PPP1R14D: variants seen among roughly 807,000 people sequenced by gnomAD.
PPP1R14D encodes protein phosphatase 1 regulatory subunit 14D.
In PPP1R14D, 14 loss-of-function variants were observed where a neutral mutation model predicts 17.1. The observed-to-expected ratio is 0.82, with a 90% confidence interval of 0.54 to 1.28. PPP1R14D has a LOEUF of 1.28. PPP1R14D is among the 50% of genes most tolerant of loss of function. The probability of loss-of-function intolerance (pLI) is 0.00; values close to 1 mark genes in which losing one functional copy is unlikely to be tolerated. For synonymous variants in PPP1R14D, 67 were observed against 66.1 expected, an observed-to-expected ratio of 1.01 and a Z score of -0.06; for missense variants, 173 against 179.2, an observed-to-expected ratio of 0.97 and a Z score of 0.20.
At chr15:40,825,347 T>C (rs1208329412) in intron 1 of PPP1R14D, among the ~76,000 whole-genome samples, 1 of 151,548 alleles carries the variant, frequency 6.6e-6, no homozygotes, top group Admixed American at 6.6e-5. Context: ...GGGTGCATGT[T>C]GGGCAAGGGT....
At chr15:40,826,294 C>G (rs1045256275) in intron 1 of PPP1R14D, among the ~76,000 whole-genome samples, 4 of 152,136 alleles carry the variant, frequency 2.6e-5, no homozygotes, top group Non-Finnish European at 5.9e-5. Flanking sequence ...CCTAGGACTG[C>G]TGATAACCCT....
chr15:40,815,574 A>G lies in PPP1R14D; in HGVS notation c.*122T>C, dbSNP rs1890641833. ...ACCACACAGACAGTAGGAGTATGCA[A>G]ATGTCCCTCCTTGTCCACATTTCTT... On this transcript the variant is annotated 3_prime_UTR_variant, in exon 4 of 4. Transcript: ENST00000299174. 1 of 1,250,168 alleles carries G rather than the reference A, an allele frequency of 8.0e-7. No homozygotes were observed. The highest frequency in any genetic ancestry group is 1.5e-5 in the South Asian group (1 of 67,060). 77.4% of individuals were successfully genotyped at this position (1,250,168 alleles called of 1,614,324 possible). A position where few individuals can be genotyped will look rare whatever the true frequency, so the allele number is the denominator to read the frequency against.
intron 1 of PPP1R14D, among the ~76,000 whole-genome samples, chr15:40,827,549 G>C (rs990085607): frequency 2.0e-5 from 3 of 150,210 alleles, no homozygotes; most frequent in South Asian, 2.1e-4. Flanking sequence ...ATGTGACTGG[G>C]GAACTGAATA....
intron 1 of PPP1R14D, among the ~76,000 whole-genome samples, chr15:40,821,653 C>A (rs1029791241): frequency 6.6e-6 from 1 of 152,086 alleles, no homozygotes; most frequent in African/African-American, 2.4e-5. Context: ...CTAGGCCAGG[C>A]GTGGTGGCTC....
chr15:40,817,740 A>C (rs1890698208), intron 1 of PPP1R14D, among the ~76,000 whole-genome samples: 1 of 150,886 alleles, frequency 6.6e-6, no homozygotes, highest in South Asian at 2.1e-4. Flanking sequence ...TCAGCCTCCC[A>C]AGTAGCTGGG....
intron 1 of PPP1R14D, among the ~76,000 whole-genome samples, chr15:40,822,595 G>A (rs1327482496): frequency 6.7e-6 from 1 of 150,364 alleles, no homozygotes; most frequent in Non-Finnish European, 1.5e-5. Flanking sequence ...CTGGGATTAC[G>A]GGTGCCTACC....
chr15:40,818,832 A>G (rs1190122122), intron 1 of PPP1R14D, among the ~76,000 whole-genome samples: 1 of 152,086 alleles, frequency 6.6e-6, no homozygotes. Context: ...CCAACAGTGA[A>G]GCCCAATTTA....
intron 1 of PPP1R14D, among the ~76,000 whole-genome samples, chr15:40,823,532 A>G (rs1449697085): frequency 6.6e-6 from 1 of 152,212 alleles, no homozygotes; most frequent in Non-Finnish European, 1.5e-5. Context: ...CTCCATTCAT[A>G]GTAAGTGACC....
intron 1 of PPP1R14D, among the ~76,000 whole-genome samples, chr15:40,827,897 G>A (rs1000235691): frequency 6.6e-6 from 1 of 152,148 alleles, no homozygotes; most frequent in Non-Finnish European, 1.5e-5. Context: ...ATTCCAGCCT[G>A]TGCAACAGGG....
chr15:40,826,252 G>C (rs1236078745), intron 1 of PPP1R14D, among the ~76,000 whole-genome samples: 1 of 152,044 alleles, frequency 6.6e-6, no homozygotes, highest in Non-Finnish European at 1.5e-5. Flanking sequence ...AGATAGACTG[G>C]GTCACAACAA....
rs1890659452 is a variant in PPP1R14D at position 40,816,194 on chromosome 15, T to C, written c.315A>G (p.Thr105=). The change falls in exon 2 of 4, where the codon ACA becomes ACG. Residue 105 remains threonine, a synonymous_variant. Transcript: ENST00000299174. The part of the protein sequence containing the change: ...IDLEALMDLS[T]EEQKTQLEAI... ...CCTCCAGCTGAGTCTTCTGCTCCTCTGTGGATAGATCCATGAGAGCTTCCA... is the reference window on the plus strand; with the variant it reads ...CCTCCAGCTGAGTCTTCTGCTCCTCCGTGGATAGATCCATGAGAGCTTCCA... 4.3e-6 allele frequency: 7 copies of C among 1,614,062 alleles called. No homozygotes were observed. Among genetic ancestry groups the C allele is most frequent in the Non-Finnish European group, 2.5e-6 (3 of 1,180,032 alleles).
intron 1 of PPP1R14D, among the ~76,000 whole-genome samples, chr15:40,825,285 C>CA (rs1189173309): frequency 0.014 from 1,438 of 104,012 alleles, 23 homozygotes; most frequent in African/African-American, 0.035. Flanking sequence ...AACTCTGTCT[C>CA]AAAAAAAAAA....
intron 3 of PPP1R14D, 31 bp from the exon 4 acceptor site, chr15:40,815,792 T>G: frequency 1.9e-6 from 3 of 1,579,252 alleles, no homozygotes; most frequent in Non-Finnish European, 2.6e-6. Flanking sequence ...AGACCAGGCT[T>G]GGGGTCACAA....
chr15:40,815,961 C>T lies in PPP1R14D; in HGVS notation c.372+1G>A. 6.2e-7 allele frequency: 1 copy of T among 1,614,130 alleles called. No homozygotes were observed. The highest frequency in any genetic ancestry group is 1.3e-5 in the African/African-American group (1 of 75,040). The stretch of plus-strand genomic sequence containing the variant: ...CAGACCAGCAGAAGAACATCCCTTA[C>T]CTCTGTGGGGCGGGGGCAGTTCCCA... On this transcript the variant is annotated splice_donor_variant, in intron 3 of 3. Transcript: ENST00000299174. LOFTEE classifies it high-confidence loss of function.
intron 1 of PPP1R14D, among the ~76,000 whole-genome samples, chr15:40,826,412 T>C (rs897781476): frequency 2.0e-5 from 3 of 152,346 alleles, no homozygotes; most frequent in South Asian, 2.1e-4. Flanking sequence ...GCTTGGCGTA[T>C]GGTTCTCAGC....
chr15:40,824,394 A>C (rs1890835875), intron 1 of PPP1R14D, among the ~76,000 whole-genome samples: 1 of 149,418 alleles, frequency 6.7e-6, no homozygotes, highest in Non-Finnish European at 1.5e-5. Flanking sequence ...TTTTTGAGAT[A>C]GGGTCTTGCT....
rs66982849 is a variant in PPP1R14D, at chr15:40,819,867, ATT to A, written c.256-3616_256-3615del. 6.2e-3 allele frequency among the ~76,000 whole-genome samples: 847 copies of A among 137,488 alleles called. 6 individuals are homozygous for A. The highest frequency in any genetic ancestry group is 0.02 in the African/African-American group (730 of 37,408). The allele number at this position is 137,488 out of a possible 152,430, so 90.2% of individuals were successfully genotyped here. A position where few individuals can be genotyped will look rare whatever the true frequency, so the allele number is the denominator to read the frequency against. On this transcript the variant is annotated intron_variant, in intron 1 of 3. Coordinates refer to ENST00000299174, the MANE Select transcript of PPP1R14D (RefSeq NM_017726.8). ...ATGGTATTTTCCAGTGTATATTGCTATTTTTTTTTTTTTTTTGAGATGGAGGT... is the reference window on the plus strand; with the variant it reads ...ATGGTATTTTCCAGTGTATATTGCTATTTTTTTTTTTTTTGAGATGGAGGT...
intron 1 of PPP1R14D, among the ~76,000 whole-genome samples, chr15:40,818,974 T>C (rs931646042): frequency 2.6e-5 from 4 of 152,070 alleles, no homozygotes; most frequent in African/African-American, 9.7e-5. Flanking sequence ...ATATGGGAAA[T>C]ATCTTTTACC....
At chr15:40,827,983 AAAG>A (rs1387531670) in intron 1 of PPP1R14D, among the ~76,000 whole-genome samples, 1 of 152,196 alleles carries the variant, frequency 6.6e-6, no homozygotes, top group African/African-American at 2.4e-5. Flanking sequence ...AAGAAAAAGA[AAAG>A]AAACGAAAAT....
Sources: allele counts gnomAD v4.1 joint callset (sites outside exome capture counted in the v4.1 genomes callset), GRCh38; gene constraint gnomAD v4.1.1; transcripts MANE v1.5; gene names NCBI Gene and HGNC (gene_info 2026-07-23, HGNC 2026-07-21).